APOB: variants seen among roughly 807,000 people sequenced by gnomAD.
APOB encodes the protein apolipoprotein B.
APOB carries 153 observed loss-of-function variants against 314.1 expected under a neutral mutation model. The ratio of observed to expected loss-of-function variants is 0.49; its 90% CI spans 0.43 to 0.56. The LOEUF is 0.56. Ranked by LOEUF, APOB falls within the 20% of genes least tolerant of loss-of-function variation. The pLI, the probability that APOB is intolerant of heterozygous loss-of-function variation, is 0.00. For missense variants in APOB, 5,430 were observed against 5,350.7 expected (o/e 1.01, Z -0.46); for synonymous variants, 2,087 against 2,036.4 (o/e 1.02, Z -0.67).
intron 18 of APOB, among the ~76,000 whole-genome samples, 200 bp downstream of exon 18, chr2:21,022,631 A>G (rs1663639820): frequency 6.6e-6 from 1 of 152,224 alleles, no homozygotes; most frequent in South Asian, 2.1e-4. Flanking sequence ...TGAAAAGTAG[A>G]AGAAAGGTAA....
At chr2:21,039,450 T>C (rs925936532) in intron 4 of APOB, among the ~76,000 whole-genome samples, 1 of 152,224 alleles carries the variant, frequency 6.6e-6, no homozygotes, top group African/African-American at 2.4e-5. Context: ...CTGGGTACTC[T>C]CTGAGTTTCT....
chr2:21,028,296 G>A (rs1314219022), intron 13 of APOB, 31 bp downstream of exon 13: 1 of 1,565,972 alleles, frequency 6.4e-7, no homozygotes, highest in Non-Finnish European at 8.8e-7. Context: ...AGGGCCCTCA[G>A]TGGTATATGG....
rs1489200618 is a variant in APOB at position 21,001,554 on chromosome 2, C to A, written c.*176G>T. 9.8e-6 allele frequency: 6 copies of A among 614,014 alleles called. No homozygotes were observed. The Admixed American group carries it at 1.6e-4, about 17-fold the overall frequency. 38.0% of individuals were successfully genotyped at this position (614,014 alleles called of 1,614,324 possible). On this transcript the variant is annotated 3_prime_UTR_variant, in exon 29 of 29. Coordinates refer to ENST00000233242, the MANE Select transcript of APOB (RefSeq NM_000384.3). ...CTTCTGAGTTCAGAGACCTTCCGAG[C>A]CCTGGTGCCAGCTTTGGTGCAGGTC...
At chr2:21,026,592 G>A (rs979428700) in intron 15 of APOB, among the ~76,000 whole-genome samples, 196 bp downstream of exon 15, 1 of 152,132 alleles carries the variant, frequency 6.6e-6, no homozygotes, top group Non-Finnish European at 1.5e-5. Flanking sequence ...TTGTGAGTCT[G>A]GTTTCTGGGC....
Position 21,013,498 on chromosome 2 carries a change from C to T in APOB, c.3878G>A (p.Ser1293Asn), listed in dbSNP as rs141443492. 4.3e-6 allele frequency: 7 copies of T among 1,614,094 alleles called. No individual in the cohort carries two copies. The highest frequency in any genetic ancestry group is 4.0e-5 in the African/African-American group (3 of 74,936). Residue 1293 changes from serine to asparagine, a missense_variant, in exon 25 of 29, where the codon AGT becomes AAT. Transcript: ENST00000233242. ...AGGCAAAGGAATCTCAATTTTCAAA[C>T]TGTTCTTGTTCAAGGTATATTTGAC... ...GRVKYTLNKN[S>N]LKIEIPLPFG... is the part of the protein sequence containing the mutation.
At position 21,037,218 on chromosome 2, in the gene APOB, A is replaced by G; in HGVS notation, c.575T>C (p.Val192Ala). ...TGCCACATTGCCCTTCCTCGTCTTG[A>G]CGGTAAAGTGAGTGGAGCAGTTTCC... ...VYGNCSTHFT[V>A]KTRKGNVATE... Residue 192 changes from valine (V) to alanine (A), a missense_variant, in exon 6 of 29, where the codon GTC (valine) becomes GCC (alanine). Val to Ala is a moderately conservative substitution (Grantham distance 64, BLOSUM62 0). Transcript: ENST00000233242. The G allele has an allele frequency of 6.2e-7, 1 of 1,614,036 alleles. No individual in the cohort carries two copies. Among genetic ancestry groups the G allele is most frequent in the Middle Eastern group, 1.6e-4 (1 of 6,062 alleles).
chr2:21,035,896 C>A (rs753765191), intron 6 of APOB, among the ~76,000 whole-genome samples, 188 bp from the exon 7 acceptor site: 2 of 152,190 alleles, frequency 1.3e-5, no homozygotes, highest in Non-Finnish European at 2.9e-5. Flanking sequence ...CTGAGTCAAG[C>A]TGTAGACTCC....
intron 19 of APOB, 125 bp downstream of exon 19, chr2:21,019,598 A>G (rs1663548555): frequency 2.9e-6 from 3 of 1,048,830 alleles, no homozygotes; most frequent in Non-Finnish European, 4.3e-6. Context: ...ATACCCAAAG[A>G]TGGTGCAAAC....
rs767329761 is a variant in APOB, at chr2:21,033,431, T to C, written c.992A>G (p.Glu331Gly). The change falls in exon 9 of 29, where the codon GAA becomes GGA. Residue 331 changes from glutamate to glycine, a missense_variant. Around this residue, in one of 3 missense-constraint regions of APOB, gnomAD observed 2,085 missense variants for 2,079.7 expected, o/e 1.00. Transcript: ENST00000233242. Reference sequence around the variant, plus strand: ...CTCAGAGATGGTTAGTTTTTTCAGTTCCTGGAGAGTCTTCAAAACAGCTTC... The same window carrying C: ...CTCAGAGATGGTTAGTTTTTTCAGTCCCTGGAGAGTCTTCAAAACAGCTTC... ...QAEAVLKTLQ[E>G]LKKLTISEQN... is the part of the protein sequence containing the mutation. 1.5e-5 allele frequency: 25 copies of C among 1,614,078 alleles called. No individual in the cohort carries two copies. The highest frequency in any genetic ancestry group is 2.0e-5 in the Non-Finnish European group (24 of 1,180,042).
At chr2:21,028,594 G>T in intron 12 of APOB, 56 bp from the exon 13 acceptor site, 4 of 1,252,020 alleles carry the variant, frequency 3.2e-6, no homozygotes, top group Non-Finnish European at 4.6e-6. Flanking sequence ...CACAGAACAT[G>T]CCTGGCAAAC....
In APOB at chr2:21,019,755, G is replaced by C. The variant is rs773461882; in HGVS notation, c.2967C>G (p.Ser989=). The change falls in exon 19 of 29, where the codon TCC becomes TCG. Residue 989 remains serine, a synonymous_variant. Transcript: ENST00000233242. ...CCCCGGTCAGCGGATAGTAGGAGGC[G>C]GAGTCTGTGGAGCTGGCGTTGGAGT... ...GAYSNASSTD[S]ASYYPLTGDT... 2.5e-6 allele frequency: 4 copies of C among 1,614,156 alleles called. No homozygotes were observed. The South Asian group carries it at 4.4e-5, about 18-fold the overall frequency.
rs781293332 is a variant in APOB at position 21,009,272 on chromosome 2, A to G, written c.7596T>C (p.Leu2532=). 20 of 1,613,990 alleles carry G rather than the reference A, an allele frequency of 1.2e-5. No individual in the cohort carries two copies. The highest frequency in any genetic ancestry group is 1.6e-4 in the Middle Eastern group (1 of 6,084). Residue 2532 remains leucine (L), a synonymous_variant, in exon 26 of 29, where the codon CTT becomes CTC. Transcript: ENST00000233242. ...RMYQMDIQQE[L]QRYLSLVGQV... is the part of the protein sequence containing the mutation. The stretch of plus-strand genomic sequence containing the variant: ...GGCCTACCAGAGACAGGTATCGTTG[A>G]AGTTCCTGCTGAATGTCCATTTGAT...
chr2:21,022,916 G>C lies in APOB; in HGVS notation c.2731C>G (p.Leu911Val). The C allele has an allele frequency of 1.2e-6, 2 of 1,614,160 alleles. No individual in the cohort carries two copies. The highest frequency in any genetic ancestry group is 1.7e-6 in the Non-Finnish European group (2 of 1,180,026). The change falls in exon 18 of 29, where the codon CTG becomes GTG. Residue 911 changes from leucine to valine, a missense_variant. Around this residue, in one of 3 missense-constraint regions of APOB, gnomAD observed 2,085 missense variants for 2,079.7 expected, o/e 1.00. Transcript: ENST00000233242. ...MNTNFFHESG[L>V]EAHVALKAGK... ...GCTTTTAGGGCAACATGAGCCTCCA[G>C]ACCCGACTCGTGGAAGAAGTTGGTG...
Position 21,032,341 on chromosome 2 carries a change from T to C in APOB, c.1352+13A>G, listed in dbSNP as rs965203197. 7 of 1,609,026 alleles carry C rather than the reference T, an allele frequency of 4.4e-6. No homozygotes were observed. The highest frequency in any genetic ancestry group is 5.1e-6 in the Non-Finnish European group (6 of 1,178,150). The stretch of plus-strand genomic sequence containing the variant: ...TCTGCTCCTAGGAGGAGAAATACAG[T>C]GTGGAAACTCACTTGTTGACCGCGT... On this transcript the variant is annotated intron_variant, in intron 10 of 28. Transcript: ENST00000233242.
In APOB at chr2:21,006,763, A is replaced by G; in HGVS notation, c.10105T>C (p.Ser3369Pro). ...QSDIVAHLLS[S>P]SSSVIDALQY... The stretch of plus-strand genomic sequence containing the variant: ...AGTGCATCAATGACAGATGAAGATG[A>G]AGAAAGGAGATGAGCAACAATATCT... Residue 3369 changes from serine to proline, a missense_variant, in exon 26 of 29, where the codon TCA becomes CCA. Around this residue, in one of 3 missense-constraint regions of APOB, gnomAD observed 3,281 missense variants for 3,171.0 expected, o/e 1.03. Coordinates refer to ENST00000233242, the MANE Select transcript of APOB (RefSeq NM_000384.3). 6.2e-7 allele frequency: 1 copy of G among 1,614,124 alleles called. No individual in the cohort carries two copies. Among genetic ancestry groups the G allele is most frequent in the Non-Finnish European group, 8.5e-7 (1 of 1,179,972 alleles).
rs376974746 is a variant in APOB, at chr2:21,008,175, A to G, written c.8693T>C (p.Leu2898Pro). ...CAGGTCAGCCTGACTAGAGAAGTCC[A>G]GTTTGGGGATGTTCAATTTGTGGAA... Reference protein sequence around the residue: ...KYFHKLNIPKLDFSSQADLRN... With the variant: ...KYFHKLNIPKPDFSSQADLRN... Residue 2898 changes from leucine to proline, a missense_variant, in exon 26 of 29, where the codon CTG becomes CCG. Around this residue, in one of 3 missense-constraint regions of APOB, gnomAD observed 3,281 missense variants for 3,171.0 expected, o/e 1.03. Transcript: ENST00000233242. The G allele has an allele frequency of 8.7e-5, 141 of 1,613,968 alleles. No homozygotes were observed. Among genetic ancestry groups the G allele is most frequent in the Non-Finnish European group, 1.0e-4 (119 of 1,179,984 alleles).
chr2:21,022,391 G>A (rs978244583), intron 18 of APOB, among the ~76,000 whole-genome samples: 5 of 152,138 alleles, frequency 3.3e-5, no homozygotes, highest in Non-Finnish European at 5.9e-5. Flanking sequence ...CCATTATCAC[G>A]AGGTTAGGAG....
At chr2:21,014,329 C>T in intron 24 of APOB, 119 bp downstream of exon 24, 1 of 1,229,812 alleles carries the variant, frequency 8.1e-7, no homozygotes, top group Non-Finnish European at 1.1e-6. Flanking sequence ...AGTTATTAAT[C>T]TCCTTAAAAT....
Position 21,024,998 on chromosome 2 carries a change from C to G in APOB, c.2371G>C (p.Asp791His), listed in dbSNP as rs1471794940. The G allele has an allele frequency of 6.2e-6, 10 of 1,614,252 alleles. No individual in the cohort carries two copies. The highest frequency in any genetic ancestry group is 2.7e-5 in the African/African-American group (2 of 75,076). Residue 791 changes from aspartate (D) to histidine (H), a missense_variant, in exon 16 of 29, where the codon GAC becomes CAC. By Grantham distance (81) the Asp-to-His change is moderately conservative. This residue lies in a region of APOB where 2,085 missense variants were observed against 2,079.7 expected (regional missense o/e 1.00). Coordinates refer to ENST00000233242, the MANE Select transcript of APOB (RefSeq NM_000384.3). ...AGCAGCTTTCCCAGGAGCTGGAGGTCATGGAGACTGGCAAAACCAAGCTCC... is the reference window on the plus strand; with the variant it reads ...AGCAGCTTTCCCAGGAGCTGGAGGTGATGGAGACTGGCAAAACCAAGCTCC... Reference protein sequence around the residue: ...GEELGFASLHDLQLLGKLLLM... With the variant: ...GEELGFASLHHLQLLGKLLLM...
Sources: gnomAD v4.1 joint callset for allele counts (sites outside exome capture counted in the v4.1 genomes callset) on GRCh38, gnomAD v4.1.1 for gene constraint, gnomAD v4.1.1 regional missense constraint, MANE v1.5 for transcripts, NCBI Gene and HGNC (gene_info 2026-07-23, HGNC 2026-07-21) for gene names.